XKR9: variants seen among roughly 807,000 people sequenced by gnomAD.
XKR9 encodes XK-related protein 9.
A neutral mutation model predicts 32.0 loss-of-function variants in XKR9; 32 were observed. The ratio of observed to expected loss-of-function variants is 1.00; its 90% CI spans 0.76 to 1.34. The LOEUF is 1.34. Among genes scored for constraint, XKR9 ranks in the 40% most tolerant of loss-of-function variants. The pLI, the probability that XKR9 is intolerant of heterozygous loss-of-function variation, is 0.00. For missense variants in XKR9, 546 were observed against 429.7 expected, an observed-to-expected ratio of 1.27 and a Z score of -2.39; for synonymous variants, 168 against 143.4, an observed-to-expected ratio of 1.17 and a Z score of -1.22.
chr8:70,812,630 C>T, the XKR9 span, among the ~76,000 whole-genome samples: 1 of 152,156 alleles, frequency 6.6e-6, no homozygotes, highest in South Asian at 2.1e-4. Flanking sequence ...AAATTACAAG[C>T]ATTCTTATAC....
the XKR9 span, among the ~76,000 whole-genome samples, chr8:70,816,747 G>A: frequency 1.8e-4 from 13 of 70,896 alleles, no homozygotes; most frequent in South Asian, 2.2e-3. Flanking sequence ...AACCAAACCC[G>A]GCAGCACATC....
chr8:70,950,135 C>T, the XKR9 span, among the ~76,000 whole-genome samples: 2 of 152,178 alleles, frequency 1.3e-5, no homozygotes, highest in Non-Finnish European at 2.9e-5. Context: ...ACTTTTTAAA[C>T]CCTAGTATGC....
At chr8:70,730,903 A>G (rs559061872) in intron 4 of XKR9, among the ~76,000 whole-genome samples, 2 of 152,364 alleles carry the variant, frequency 1.3e-5, no homozygotes, top group African/African-American at 4.8e-5. Context: ...GATATGAACC[A>G]TAAAATTACT....
downstream of XKR9, among the ~76,000 whole-genome samples, chr8:70,794,833 G>GTGTGTGTA (rs1440719213): frequency 6.6e-6 from 1 of 151,626 alleles, no homozygotes; most frequent in African/African-American, 2.4e-5. Flanking sequence ...TTGTGTGTGT[G>GTGTGTGTA]TGTGTGTGTG....
the XKR9 span, among the ~76,000 whole-genome samples, chr8:70,912,432 T>C: frequency 6.6e-6 from 1 of 152,040 alleles, no homozygotes; most frequent in East Asian, 1.9e-4. Context: ...GAGCATAAAA[T>C]AAATAGGATT....
the XKR9 span, among the ~76,000 whole-genome samples, chr8:70,863,747 G>A: frequency 1.3e-5 from 2 of 152,178 alleles, no homozygotes; most frequent in Non-Finnish European, 2.9e-5. Flanking sequence ...GACAGCAGTG[G>A]AGGTAGAGAG....
intron 3 of XKR9, among the ~76,000 whole-genome samples, chr8:70,694,185 T>A (rs761400394): frequency 2.0e-5 from 3 of 152,190 alleles, no homozygotes; most frequent in Non-Finnish European, 4.4e-5. Flanking sequence ...AAGGCACCTG[T>A]AGGGAGTGGC....
At chr8:70,681,434 T>G (rs1819080952) in intron 3 of XKR9, 104 bp downstream of exon 3, 2 of 1,107,434 alleles carry the variant, frequency 1.8e-6, no homozygotes, top group Non-Finnish European at 2.6e-6. Context: ...ATCCCTTATT[T>G]GCATGAAGCA....
the XKR9 span, among the ~76,000 whole-genome samples, chr8:71,037,953 G>A: frequency 3.9e-5 from 6 of 152,066 alleles, no homozygotes; most frequent in Non-Finnish European, 5.9e-5. Context: ...AAATGTACAC[G>A]AAATGTTGGC....
At chr8:70,729,310 A>G (rs571963871) in intron 4 of XKR9, among the ~76,000 whole-genome samples, 1 of 152,354 alleles carries the variant, frequency 6.6e-6, no homozygotes, top group South Asian at 2.1e-4. Flanking sequence ...AATTGTTAAA[A>G]GCTATAAATA....
chr8:70,742,385 G>A (rs1468904670), intron 2 of XKR9, among the ~76,000 whole-genome samples: 2 of 152,298 alleles, frequency 1.3e-5, no homozygotes, highest in East Asian at 3.9e-4. Context: ...GTATGTTTGT[G>A]GGGTGAAGGT....
At chr8:70,760,525 T>C (rs1807293337) in intron 2 of XKR9, among the ~76,000 whole-genome samples, 1 of 152,158 alleles carries the variant, frequency 6.6e-6, no homozygotes, top group African/African-American at 2.4e-5. Flanking sequence ...TTTAACAATT[T>C]TTGAAGGGTT....
At chr8:70,993,266 T>TTC in the XKR9 span, among the ~76,000 whole-genome samples, 1 of 152,192 alleles carries the variant, frequency 6.6e-6, no homozygotes, top group Admixed American at 6.5e-5. Flanking sequence ...TTTAATGAGC[T>TTC]TCTGAATCTT....
rs1228376318 is a variant in XKR9, at chr8:70,730,814, C to T, written c.494-2982C>T. Among the ~76,000 whole-genome samples the T allele has an allele frequency of 3.3e-5, 5 of 152,216 alleles. No individual in the cohort carries two copies. In the South Asian group the frequency reaches 1.0e-3, roughly 32 times the overall value. On this transcript the variant is annotated intron_variant, in intron 4 of 4. Transcript: ENST00000408926. ...ACACAGCATTGAGCAGTTTCTATTG[C>T]TCTTCCCAGAAGAAGTCTAAAGCAG...
the XKR9 span, among the ~76,000 whole-genome samples, chr8:70,950,272 C>T: frequency 6.6e-6 from 1 of 152,076 alleles, no homozygotes; most frequent in African/African-American, 2.4e-5. Context: ...TTAACAATGA[C>T]AAATGTAGCC....
chr8:70,943,792 G>A, the XKR9 span, among the ~76,000 whole-genome samples: 1 of 151,992 alleles, frequency 6.6e-6, no homozygotes, highest in African/African-American at 2.4e-5. Flanking sequence ...TATAAAAATG[G>A]CATTTTAAAT....
the XKR9 span, among the ~76,000 whole-genome samples, chr8:70,833,979 C>T: frequency 5.9e-5 from 9 of 152,024 alleles, no homozygotes; most frequent in Non-Finnish European, 1.0e-4. Context: ...TACAAAAATA[C>T]GTAAAGAGTA....
chr8:70,831,315 T>G, the XKR9 span, among the ~76,000 whole-genome samples: 1 of 149,616 alleles, frequency 6.7e-6, no homozygotes, highest in Admixed American at 6.6e-5. Context: ...AAAAAGTACC[T>G]AACTTCTTTG....
chr8:70,859,450 G>C, the XKR9 span, among the ~76,000 whole-genome samples: 6 of 152,032 alleles, frequency 3.9e-5, no homozygotes, highest in Non-Finnish European at 8.8e-5. Flanking sequence ...CAGTATGGAG[G>C]TTCCTCAAAA....
Sources: allele counts gnomAD v4.1 joint callset (sites outside exome capture counted in the v4.1 genomes callset), GRCh38; gene constraint gnomAD v4.1.1; transcripts MANE v1.5; gene names NCBI Gene and HGNC (gene_info 2026-07-23, HGNC 2026-07-21).